HDAC9: variants seen among roughly 807,000 people sequenced by gnomAD.
The protein encoded by HDAC9 is MEF-2 interacting transcription repressor (MITR) protein.
A neutral mutation model predicts 139.4 loss-of-function variants in HDAC9; 41 were observed. The observed-to-expected ratio is 0.29, with a 90% CI of 0.23 to 0.38. HDAC9 has a LOEUF of 0.38. Ranked by LOEUF, HDAC9 falls within the 10% of genes least tolerant of loss-of-function variation. The pLI, the probability that HDAC9 is intolerant of heterozygous loss-of-function variation, is 1.00. For missense variants in HDAC9, 1,147 were observed against 1,297.0 expected, an observed-to-expected ratio of 0.88 and a Z score of 1.78; for synonymous variants, 517 against 476.2, an observed-to-expected ratio of 1.09 and a Z score of -1.12.
intron 17 of HDAC9, among the ~76,000 whole-genome samples, chr7:18,824,072 GAAGAAGAAGAAGAAGAAC>G (rs1368335432): frequency 1.5e-4 from 21 of 144,354 alleles, no homozygotes; most frequent in African/African-American, 6.1e-4. Context: ...AGAAGAAGAA[GAAGAAGAAGAAGAAGAAC>G]AAGAACAAGA....
chr7:18,934,176 G>A (rs1781460325), intron 22 of HDAC9, among the ~76,000 whole-genome samples: 1 of 151,988 alleles, frequency 6.6e-6, no homozygotes, highest in South Asian at 2.1e-4. Context: ...CAGGTGTAGT[G>A]ATATAATCCC....
At chr7:18,718,831 C>T (rs922625589) in intron 12 of HDAC9, among the ~76,000 whole-genome samples, 1 of 151,948 alleles carries the variant, frequency 6.6e-6, no homozygotes, top group Non-Finnish European at 1.5e-5. Flanking sequence ...TATATTTAAC[C>T]CTTTGAGGGA....
chr7:18,336,253 G>A (rs1781575693), intron 1 of HDAC9, among the ~76,000 whole-genome samples: 1 of 151,512 alleles, frequency 6.6e-6, no homozygotes, highest in African/African-American at 2.4e-5. Flanking sequence ...ATTATTATAA[G>A]CATTTTGGCC....
chr7:18,139,981 A>G (rs1373800554), intron 1 of HDAC9, among the ~76,000 whole-genome samples: 3 of 152,180 alleles, frequency 2.0e-5, no homozygotes, highest in Non-Finnish European at 4.4e-5. Flanking sequence ...GTGAGAGCAT[A>G]CATTCTGTTG....
chr7:18,208,048 A>G (rs1050626242), intron 2 of HDAC9, among the ~76,000 whole-genome samples: 1 of 152,126 alleles, frequency 6.6e-6, no homozygotes, highest in Non-Finnish European at 1.5e-5. Flanking sequence ...AATTGCTTTC[A>G]TGTTCCTTAG....
intron 12 of HDAC9, among the ~76,000 whole-genome samples, chr7:18,698,458 C>T (rs1410230940): frequency 6.6e-6 from 1 of 152,174 alleles, no homozygotes; most frequent in Non-Finnish European, 1.5e-5. Flanking sequence ...GGAGCTTCAG[C>T]GACACAATCA....
At chr7:18,310,447 C>T (rs2128624004) in intron 1 of HDAC9, among the ~76,000 whole-genome samples, 1 of 152,238 alleles carries the variant, frequency 6.6e-6, no homozygotes, top group South Asian at 2.1e-4. Flanking sequence ...AAGAGTTAGC[C>T]TGTGTGTCAG....
chr7:18,272,913 GCTACTACTACTACTACTA>G (rs149171355), intron 2 of HDAC9, among the ~76,000 whole-genome samples: 55,333 of 144,448 alleles, frequency 0.38, 11,305 homozygotes, highest in Admixed American at 0.51. Flanking sequence ...CTAGACTACT[GCTACTACTACTACTACTA>G]CTACTACTAC....
intron 9 of HDAC9, among the ~76,000 whole-genome samples, chr7:18,647,019 T>A (rs1020970346): frequency 2.6e-5 from 4 of 152,150 alleles, no homozygotes; most frequent in Non-Finnish European, 4.4e-5. Flanking sequence ...GAATTTAATT[T>A]AAAAAATTAA....
At chr7:18,848,704 A>T (rs896217936) in intron 21 of HDAC9, among the ~76,000 whole-genome samples, 1 of 152,086 alleles carries the variant, frequency 6.6e-6, no homozygotes, top group Non-Finnish European at 1.5e-5. Context: ...AGAATAAGAC[A>T]GACACTATAA....
intron 6 of HDAC9, among the ~76,000 whole-genome samples, chr7:18,605,003 A>T (rs1011788739): frequency 6.6e-6 from 1 of 152,196 alleles, no homozygotes; most frequent in African/African-American, 2.4e-5. Context: ...GGACAATAGA[A>T]ATTGAGTAAT....
At chr7:18,898,475 G>A (rs997209472) in intron 22 of HDAC9, among the ~76,000 whole-genome samples, 2 of 151,918 alleles carry the variant, frequency 1.3e-5, no homozygotes, top group Non-Finnish European at 2.9e-5. Context: ...TTTGAGGTAT[G>A]TGAAGGAGAG....
intron 1 of HDAC9, chr7:18,430,536 T>C (rs1274004882): frequency 6.6e-6 from 1 of 151,976 alleles, no homozygotes; most frequent in African/African-American, 2.4e-5. Flanking sequence ...AAATTCTAAA[T>C]TATAATTATC....
At chr7:18,782,691 C>A (rs1182910231) in intron 16 of HDAC9, among the ~76,000 whole-genome samples, 1 of 95,074 alleles carries the variant, frequency 1.1e-5, no homozygotes, top group East Asian at 2.2e-4. Flanking sequence ...ATGTTAGAAG[C>A]AAAATGCGGG....
At chr7:18,407,353 G>T (rs1276892504) in intron 1 of HDAC9, among the ~76,000 whole-genome samples, 1 of 152,022 alleles carries the variant, frequency 6.6e-6, no homozygotes, top group Non-Finnish European at 1.5e-5. Flanking sequence ...TGTTCATCAG[G>T]GACAAATAAT....
At chr7:18,526,009 A>G (rs1806771869) in intron 2 of HDAC9, among the ~76,000 whole-genome samples, 1 of 152,172 alleles carries the variant, frequency 6.6e-6, no homozygotes, top group Admixed American at 6.5e-5. Flanking sequence ...CCTGCTACTC[A>G]ACATTTGTTC....
chr7:18,335,168 A>C (rs1455546251), intron 1 of HDAC9, among the ~76,000 whole-genome samples: 1 of 151,194 alleles, frequency 6.6e-6, no homozygotes, highest in Non-Finnish European at 1.5e-5. Context: ...ACCATCTTTC[A>C]GAAGATTTTC....
intron 1 of HDAC9, among the ~76,000 whole-genome samples, chr7:18,145,209 G>A (rs533678897): frequency 2.2e-4 from 34 of 152,334 alleles, no homozygotes; most frequent in African/African-American, 7.9e-4. Flanking sequence ...TCTGATTCCT[G>A]TGAATTAGAC....
intron 16 of HDAC9, among the ~76,000 whole-genome samples, chr7:18,780,474 C>A (rs1791153877): frequency 6.6e-6 from 1 of 151,852 alleles, no homozygotes; most frequent in African/African-American, 2.4e-5. Flanking sequence ...AACAGAGATC[C>A]AGGGCACTGG....
Sources: gnomAD v4.1 joint callset for allele counts (sites outside exome capture counted in the v4.1 genomes callset) on GRCh38, gnomAD v4.1.1 for gene constraint, MANE v1.5 for transcripts, NCBI Gene and HGNC (gene_info 2026-07-23, HGNC 2026-07-21) for gene names.